LARP1B: variants seen among roughly 807,000 people sequenced by gnomAD.
LARP1B encodes La ribonucleoprotein 1B.
In LARP1B, 76 loss-of-function variants were observed where a neutral mutation model predicts 114.2. The observed-to-expected ratio is 0.67, with a 90% CI of 0.55 to 0.81. The LOEUF is 0.81. LARP1B is among the 30% of genes least tolerant of loss of function. The probability of loss-of-function intolerance (pLI) is 0.00; values close to 1 mark genes in which losing one functional copy is unlikely to be tolerated. For synonymous variants in LARP1B, 345 were observed against 348.0 expected, an observed-to-expected ratio of 0.99 and a Z score of 0.10; for missense variants, 1,014 against 1,075.8, an observed-to-expected ratio of 0.94 and a Z score of 0.80.
rs185118276 is a variant in LARP1B at position 128,109,378 on chromosome 4, T to G, written c.988+2065T>G. Among the ~76,000 whole-genome samples the G allele has an allele frequency of 4.7e-4, 72 of 152,296 alleles. 2 individuals are homozygous for G. Among genetic ancestry groups the G allele is most frequent in the Admixed American group, 4.6e-3 (70 of 15,292 alleles). On this transcript the variant is annotated intron_variant, in intron 9 of 19. Transcript: ENST00000326639. ...TTTCTGAGGGATTTGTATGGTAAAA[T>G]ATTCTAACATAATTGGTCTTCTTCA...
downstream of LARP1B, among the ~76,000 whole-genome samples, chr4:128,212,912 CTTT>C (rs1174891101): frequency 9.6e-5 from 8 of 83,732 alleles, no homozygotes; most frequent in Admixed American, 1.7e-4. Flanking sequence ...AAATCTCTCT[CTTT>C]TTTTTTTTTT....
chr4:128,211,750 C>T lies in LARP1B; in HGVS notation c.*1697C>T. 1 of 953,552 alleles carries T rather than the reference C, an allele frequency of 1.0e-6. No individual in the cohort carries two copies. The highest frequency in any genetic ancestry group is 1.2e-6 in the Non-Finnish European group (1 of 801,068). The allele number at this position is 953,552 out of a possible 1,614,324, so 59.1% of individuals were successfully genotyped here. A position where few individuals can be genotyped will look rare whatever the true frequency, so the allele number is the denominator to read the frequency against. Reference sequence around the variant, plus strand: ...CTCAGTGTCCTTTTTGTGTTGAACACATATATCTGAAACCTGTATTTAACC... The same window carrying T: ...CTCAGTGTCCTTTTTGTGTTGAACATATATATCTGAAACCTGTATTTAACC... On this transcript the variant is annotated 3_prime_UTR_variant, in exon 20 of 20. Transcript: ENST00000326639.
intron 1 of LARP1B, chr4:128,061,798 G>A: frequency 1.0e-6 from 1 of 984,922 alleles, no homozygotes; most frequent in South Asian, 4.7e-5. Flanking sequence ...GGCCGGCCGA[G>A]CAGCCGCCCC....
chr4:128,188,962 G>A (rs978038181), intron 15 of LARP1B, among the ~76,000 whole-genome samples: 1 of 152,174 alleles, frequency 6.6e-6, no homozygotes, highest in Non-Finnish European at 1.5e-5. Context: ...AGAAGAATGT[G>A]TATTCTGCAG....
intron 8 of LARP1B, 31 bp downstream of exon 8, chr4:128,098,361 T>G (rs1361501833): frequency 5.8e-6 from 9 of 1,564,924 alleles, no homozygotes; most frequent in Non-Finnish European, 7.8e-6. Context: ...CAATTTGTAC[T>G]TTCTGCTCAA....
intron 1 of LARP1B, among the ~76,000 whole-genome samples, chr4:128,074,190 TC>T (rs1171678995): frequency 6.6e-6 from 1 of 152,120 alleles, no homozygotes; most frequent in Non-Finnish European, 1.5e-5. Flanking sequence ...TCCACCCACC[TC>T]GGCCTCCCAA....
Position 128,144,511 on chromosome 4 carries a change from T to G in LARP1B, c.1525-17683T>G, listed in dbSNP as rs1302180520. Among the ~76,000 whole-genome samples the G allele has an allele frequency of 2.6e-5, 4 of 151,820 alleles. No homozygotes were observed. In the East Asian group the frequency reaches 5.8e-4, roughly 22 times the overall value. On this transcript the variant is annotated intron_variant, in intron 11 of 19. Transcript: ENST00000326639. ...TCACAGGTCCTTGAGGTTCTTTCTG[T>G]TTTTTTTGTTTTGTTTTTTTGAGAT... is the stretch of plus-strand genomic sequence containing the variant.
At chr4:128,102,641 A>T (rs1051209164) in intron 8 of LARP1B, among the ~76,000 whole-genome samples, 5 of 152,160 alleles carry the variant, frequency 3.3e-5, no homozygotes, top group African/African-American at 1.2e-4. Flanking sequence ...TTTATTTTTT[A>T]GCTTACTGCA....
intron 11 of LARP1B, among the ~76,000 whole-genome samples, chr4:128,147,024 G>T (rs11727049): frequency 0.43 from 65,174 of 151,902 alleles, 15,142 homozygotes; most frequent in East Asian, 0.61. Context: ...CTATCCCATT[G>T]GTTCACTCAT....
chr4:128,179,329 T>C (rs1174464660), intron 14 of LARP1B, 77 bp from the exon 15 acceptor site: 2 of 837,106 alleles, frequency 2.4e-6, no homozygotes, highest in African/African-American at 1.7e-5. Flanking sequence ...AGTTCATTTA[T>C]AGTCAGAGGG....
At chr4:128,096,295 T>C (rs1777993736) in intron 7 of LARP1B, among the ~76,000 whole-genome samples, 1 of 152,108 alleles carries the variant, frequency 6.6e-6, no homozygotes, top group African/African-American at 2.4e-5. Context: ...GCCCGGCCTA[T>C]GGAGGCTATA....
chr4:128,062,264 G>A (rs1038061595), intron 1 of LARP1B: 4 of 985,346 alleles, frequency 4.1e-6, no homozygotes, highest in Non-Finnish European at 4.8e-6. Context: ...TGCGGGCAGG[G>A]GCGACTTGCG....
chr4:128,206,142 A>G (rs2150940200), intron 17 of LARP1B, among the ~76,000 whole-genome samples: 1 of 152,178 alleles, frequency 6.6e-6, no homozygotes, highest in South Asian at 2.1e-4. Flanking sequence ...AATACAAAAA[A>G]TTAGCTGGAT....
chr4:128,182,823 T>C (rs777409243), intron 15 of LARP1B, among the ~76,000 whole-genome samples: 1 of 152,198 alleles, frequency 6.6e-6, no homozygotes, highest in Non-Finnish European at 1.5e-5. Flanking sequence ...CTCCAGTGAA[T>C]ACACAAATGA....
intron 1 of LARP1B, among the ~76,000 whole-genome samples, chr4:128,064,271 C>CAAAA (rs10679400): frequency 0.081 from 6,441 of 79,548 alleles, 1,312 homozygotes; most frequent in African/African-American, 0.3. Flanking sequence ...GACTCAGTCT[C>CAAAA]AAAAAAAAAA....
At chr4:128,123,254 T>A (rs1788568307) in intron 11 of LARP1B, 4 of 985,322 alleles carry the variant, frequency 4.1e-6, no homozygotes, top group East Asian at 2.3e-4. Flanking sequence ...TTACGTGACT[T>A]AGAGCCTTAG....
In LARP1B at chr4:128,118,615, C is replaced by A. The variant is rs530141121; in HGVS notation, c.1162-3211C>A. On this transcript the variant is annotated intron_variant, in intron 10 of 19. Coordinates refer to ENST00000326639, the MANE Select transcript of LARP1B (RefSeq NM_018078.4). ...GAAACTAATGTTTCTCTTATTTCCA[C>A]TTTCTGGTATCTGTTTTCATCTGAT... Among the ~76,000 whole-genome samples, 4 of 152,062 alleles carry A rather than the reference C, an allele frequency of 2.6e-5. No homozygotes were observed. In the South Asian group the frequency reaches 8.3e-4, roughly 32 times the overall value.
chr4:128,177,224 G>T (rs908486825), intron 13 of LARP1B, among the ~76,000 whole-genome samples: 4 of 152,154 alleles, frequency 2.6e-5, no homozygotes, highest in Non-Finnish European at 5.9e-5. Flanking sequence ...AATCATTCTG[G>T]TAACAGTGAA....
chr4:128,167,986 G>A (rs1465449872), intron 12 of LARP1B, among the ~76,000 whole-genome samples: 1 of 151,996 alleles, frequency 6.6e-6, no homozygotes, highest in Non-Finnish European at 1.5e-5. Flanking sequence ...GTATTCCATT[G>A]CATGGATGTA....
Sources: allele counts gnomAD v4.1 joint callset (sites outside exome capture counted in the v4.1 genomes callset), GRCh38; gene constraint gnomAD v4.1.1; transcripts MANE v1.5; gene names NCBI Gene and HGNC (gene_info 2026-07-23, HGNC 2026-07-21).